FCMR: variants seen among roughly 807,000 people sequenced by gnomAD.
FCMR encodes immunoglobulin mu Fc receptor.
In FCMR, 34 loss-of-function variants were observed where a neutral mutation model predicts 41.6. The ratio of observed to expected loss-of-function variants is 0.82; its 90% CI spans 0.62 to 1.09. The LOEUF (loss-of-function observed/expected upper bound fraction) is 1.09, where lower values mean the gene tolerates loss of function less well. Ranked by LOEUF, FCMR falls within the 50% of genes least tolerant of loss-of-function variation. The probability of loss-of-function intolerance (pLI) is 0.00; values close to 1 mark genes in which losing one functional copy is unlikely to be tolerated. For missense variants in FCMR, 496 were observed against 512.5 expected (o/e 0.97, Z 0.31); for synonymous variants, 209 against 211.8 (o/e 0.99, Z 0.12).
Position 206,903,727 on chromosome 1 carries a change from CT to C in FCMR, c.*1291del, listed in dbSNP as rs377617111. 195 of 149,066 alleles carry C rather than the reference CT, an allele frequency of 1.3e-3. No homozygotes were observed. The highest frequency in any genetic ancestry group is 4.2e-3 in the African/African-American group (172 of 40,678). The allele number at this position is 149,066 out of a possible 1,614,324, so 9.2% of individuals were successfully genotyped here. ...ATCATCCCTTTCCCTTGGTGCCCTCCTTTTTTTTTTATCCTAGTCATTCTTC... is the reference window on the plus strand; with the variant it reads ...ATCATCCCTTTCCCTTGGTGCCCTCCTTTTTTTTTATCCTAGTCATTCTTC... On this transcript the variant is annotated 3_prime_UTR_variant, in exon 8 of 8. Coordinates refer to ENST00000367091, the MANE Select transcript of FCMR (RefSeq NM_005449.5).
In FCMR at chr1:206,909,677, G is replaced by A; in HGVS notation, c.985+48C>T. On this transcript the variant is annotated intron_variant, in intron 6 of 7. Transcript: ENST00000367091. This position sits in a 1 kb window ranked among gnomAD's most constrained non-coding sequence, Gnocchi z 5.0. ...CCCCGCTGCGCCCGGCTTTCCCGGA[G>A]CCAGCGCACTCTTTCCGCTACTCCC... 2 of 1,367,120 alleles carry A rather than the reference G, an allele frequency of 1.5e-6. No individual in the cohort carries two copies. Among genetic ancestry groups the A allele is most frequent in the East Asian group, 3.1e-5 (1 of 32,270 alleles). The allele number at this position is 1,367,120 out of a possible 1,614,324, so 84.7% of individuals were successfully genotyped here. A position where few individuals can be genotyped will look rare whatever the true frequency, so the allele number is the denominator to read the frequency against.
intron 1 of FCMR, among the ~76,000 whole-genome samples, chr1:206,916,466 G>C (rs1679197602): frequency 6.6e-6 from 1 of 152,226 alleles, no homozygotes; most frequent in African/African-American, 2.4e-5. Flanking sequence ...GCAACCTCCA[G>C]CAGCCTCAGG....
At position 206,921,761 on chromosome 1, in the gene FCMR, C is replaced by T. The variant is rs1401983926; in HGVS notation, c.37+57G>A. 3.3e-6 allele frequency: 5 copies of T among 1,509,466 alleles called. No individual in the cohort carries two copies. In the South Asian group the frequency reaches 5.6e-5, roughly 17 times the overall value. The allele number at this position is 1,509,466 out of a possible 1,614,324, so 93.5% of individuals were successfully genotyped here. ...CTAGAGCTACCAGGCAATTATTCTA[C>T]TTGTGGCCAATTCAAGCCTCATTCA... On this transcript the variant is annotated intron_variant, in intron 1 of 7. Coordinates refer to ENST00000367091, the MANE Select transcript of FCMR (RefSeq NM_005449.5).
At chr1:206,908,888 T>C (rs1028274585) in intron 7 of FCMR, among the ~76,000 whole-genome samples, 1 of 152,196 alleles carries the variant, frequency 6.6e-6, no homozygotes, top group Non-Finnish European at 1.5e-5. Flanking sequence ...TCAGTGGCCC[T>C]GAGTGGAAAC....
Position 206,904,803 on chromosome 1 carries a change from T to C in FCMR, c.*216A>G. The C allele has an allele frequency of 1.8e-6, 1 of 563,548 alleles. No homozygotes were observed. The highest frequency in any genetic ancestry group is 3.0e-5 in the East Asian group (1 of 33,492). The allele number at this position is 563,548 out of a possible 1,614,324, so 34.9% of individuals were successfully genotyped here. On this transcript the variant is annotated 3_prime_UTR_variant, in exon 8 of 8. Coordinates refer to ENST00000367091, the MANE Select transcript of FCMR (RefSeq NM_005449.5). ...ACAATTGCTCTACATGCCTACAGCT[T>C]ACCTGTCAACTACAGGGGGCTGCCA...
chr1:206,908,023 G>A (rs1049487178), intron 7 of FCMR: 2 of 1,356,686 alleles, frequency 1.5e-6, no homozygotes, highest in Admixed American at 3.4e-5. Flanking sequence ...AAGAAAGTTT[G>A]CCTATCTGGA....
intron 4 of FCMR, among the ~76,000 whole-genome samples, chr1:206,910,886 T>TTG (rs61104420): frequency 0.077 from 11,663 of 151,638 alleles, 813 homozygotes; most frequent in African/African-American, 0.17. Context: ...TAAGCCAGAT[T>TTG]TGTGTGTGTG....
At chr1:206,919,188 T>C (rs1679327767) in intron 1 of FCMR, among the ~76,000 whole-genome samples, 1 of 152,112 alleles carries the variant, frequency 6.6e-6, no homozygotes, top group Non-Finnish European at 1.5e-5. Context: ...TAGCCGCCCA[T>C]GGCCACCTTT....
At chr1:206,919,037 C>T (rs1679318984) in intron 1 of FCMR, among the ~76,000 whole-genome samples, 1 of 152,152 alleles carries the variant, frequency 6.6e-6, no homozygotes, top group Admixed American at 6.5e-5. Flanking sequence ...GTCCACTCTA[C>T]TCCGTGGCCA....
At chr1:206,907,439 C>T (rs1028721870) in intron 7 of FCMR, among the ~76,000 whole-genome samples, 5 of 152,164 alleles carry the variant, frequency 3.3e-5, no homozygotes, top group African/African-American at 1.2e-4. Context: ...ATTTCAGTCC[C>T]GAGATGACCT....
At chr1:206,918,696 C>T (rs1679301384) in intron 1 of FCMR, among the ~76,000 whole-genome samples, 1 of 135,500 alleles carries the variant, frequency 7.4e-6, no homozygotes, top group African/African-American at 2.7e-5. Flanking sequence ...TCTGTGCATG[C>T]TGGGTCCCAG....
chr1:206,904,827 CA>C lies in FCMR; in HGVS notation c.*191del. On this transcript the variant is annotated 3_prime_UTR_variant, in exon 8 of 8. Transcript: ENST00000367091. ...TTACCTGTCAACTACAGGGGGCTGC[CA>C]AGGTGTGCAAGACGACCTGGGGGCA... The C allele has an allele frequency of 1.1e-5, 7 of 612,022 alleles. No homozygotes were observed. The South Asian group carries it at 1.3e-4, about 12-fold the overall frequency. The allele number at this position is 612,022 out of a possible 1,614,324, so 37.9% of individuals were successfully genotyped here.
At chr1:206,908,261 G>A (rs960746272) in intron 7 of FCMR, 2 of 1,162,118 alleles carry the variant, frequency 1.7e-6, no homozygotes, top group South Asian at 1.3e-5. Context: ...CCTCATGCTT[G>A]GCCTGGCCTG....
At chr1:206,922,128 A>AAG, upstream of FCMR, 2 of 510,982 alleles carry the variant, frequency 3.9e-6, no homozygotes, top group South Asian at 4.7e-5. Context: ...AAAGGCATCT[A>AAG]AGAAGTTCCT....
chr1:206,909,620 C>A lies in FCMR; in HGVS notation c.986-100G>T. The A allele has an allele frequency of 7.6e-7, 1 of 1,307,222 alleles. No homozygotes were observed. The highest frequency in any genetic ancestry group is 9.8e-7 in the Non-Finnish European group (1 of 1,018,940). 81.0% of individuals were successfully genotyped at this position (1,307,222 alleles called of 1,614,324 possible). ...CACCCCCGCCCCACTCCCAGCTCCA[C>A]CCTGTGGGAAGCCCTGGCACCTGGG... On this transcript the variant is annotated intron_variant, in intron 6 of 7. Transcript: ENST00000367091. The surrounding 1 kb of genome is among the most constrained non-coding windows in gnomAD (Gnocchi z 5.0).
intron 1 of FCMR, among the ~76,000 whole-genome samples, chr1:206,918,942 AT>A: frequency 6.6e-6 from 1 of 152,188 alleles, no homozygotes; most frequent in East Asian, 1.9e-4. Context: ...ATATCTGAAT[AT>A]TTTTAAGTTA....
Position 206,913,811 on chromosome 1 carries a change from G to T in FCMR, c.321C>A (p.Gly107=). The change falls in exon 2 of 8, where the codon GGC becomes GGA. Residue 107 remains glycine, a synonymous_variant. Coordinates refer to ENST00000367091, the MANE Select transcript of FCMR (RefSeq NM_005449.5). ...GGGTCTTTCCCCGGTCTGTGTTCAT[G>T]CCCGCTCCGCAGGCATAGACTCCGC... ...SDSGVYACGA[G]MNTDRGKTQK... 6.2e-7 allele frequency: 1 copy of T among 1,614,236 alleles called. No homozygotes were observed. The highest frequency in any genetic ancestry group is 8.5e-7 in the Non-Finnish European group (1 of 1,180,048).
In FCMR at chr1:206,911,323, C is replaced by G. The variant is rs936322579; in HGVS notation, c.710+407G>C. Among the ~76,000 whole-genome samples the G allele has an allele frequency of 2.0e-5, 3 of 151,956 alleles. No individual in the cohort carries two copies. In the East Asian group the frequency reaches 5.8e-4, roughly 29 times the overall value. ...TTGGACTGCACCCCAGCCTTTAGAC[C>G]GGTGCTGTCCAGGAGAAATGTGAGT... On this transcript the variant is annotated intron_variant, in intron 4 of 7. Coordinates refer to ENST00000367091, the MANE Select transcript of FCMR (RefSeq NM_005449.5).
chr1:206,918,835 G>T (rs983346435), intron 1 of FCMR, among the ~76,000 whole-genome samples: 1 of 152,068 alleles, frequency 6.6e-6, no homozygotes, highest in African/African-American at 2.4e-5. Flanking sequence ...AGGCAAAGTG[G>T]TCTACAGTTT....
Sources: allele counts gnomAD v4.1 joint callset (sites outside exome capture counted in the v4.1 genomes callset), GRCh38; gene constraint gnomAD v4.1.1; non-coding constraint Gnocchi (gnomAD v3.1); transcripts MANE v1.5; gene names NCBI Gene and HGNC (gene_info 2026-07-23, HGNC 2026-07-21).